Variants in CNTN6 observed in about 807,000 individuals in gnomAD.
CNTN6 encodes the protein contactin 6.
In CNTN6, 137 loss-of-function variants were observed where a neutral mutation model predicts 122.8. The observed-to-expected ratio is 1.12, with a 90% CI of 0.97 to 1.29. The LOEUF (loss-of-function observed/expected upper bound fraction) is 1.29, where lower values mean the gene tolerates loss of function less well. Ranked by LOEUF, CNTN6 falls within the 50% of genes most tolerant of loss-of-function variation. The pLI, the probability that CNTN6 is intolerant of heterozygous loss-of-function variation, is 0.00. For synonymous variants in CNTN6, 570 were observed against 426.0 expected (o/e 1.34, Z -4.16); for missense variants, 1,634 against 1,223.4 (o/e 1.34, Z -5.01).
chr3:1,273,314 G>A lies in CNTN6; in HGVS notation c.359-5099G>A, dbSNP rs547859979. ...ATCTCAGAGAACGATCTCATTCTAA[G>A]CAATTTTCTTTTAAGCAAAAATGGA... is the stretch of plus-strand genomic sequence containing the variant. On this transcript the variant is annotated intron_variant, in intron 4 of 22. Coordinates refer to ENST00000446702, the MANE Select transcript of CNTN6 (RefSeq NM_001289080.2). Among the ~76,000 whole-genome samples the A allele has an allele frequency of 5.3e-5, 8 of 152,268 alleles. No homozygotes were observed. The South Asian group carries it at 1.0e-3, about 20-fold the overall frequency.
chr3:1,178,727 G>A (rs143538081), intron 2 of CNTN6, among the ~76,000 whole-genome samples: 228 of 152,258 alleles, frequency 1.5e-3, no homozygotes, highest in South Asian at 2.1e-3. Context: ...CTGATAGGTC[G>A]TTAGTGTGGA....
chr3:1,164,484 G>T (rs1449034162), intron 2 of CNTN6, among the ~76,000 whole-genome samples: 1 of 151,500 alleles, frequency 6.6e-6, no homozygotes, highest in Admixed American at 6.6e-5. Flanking sequence ...TTTCCTGATT[G>T]AACCTTAACT....
intron 20 of CNTN6, among the ~76,000 whole-genome samples, chr3:1,393,749 A>G (rs988566911): frequency 2.0e-5 from 3 of 152,074 alleles, no homozygotes; most frequent in Admixed American, 2.0e-4. Context: ...TAATCCCATC[A>G]ACCAGTTTAA....
intron 7 of CNTN6, among the ~76,000 whole-genome samples, chr3:1,320,916 A>C (rs265798): frequency 0.011 from 1,723 of 151,866 alleles, 36 homozygotes; most frequent in African/African-American, 0.04. Context: ...GAGAAAGTAG[A>C]CGAAATTAAT....
chr3:1,345,889 C>G (rs1027122430), intron 11 of CNTN6, among the ~76,000 whole-genome samples: 3 of 151,892 alleles, frequency 2.0e-5, no homozygotes, highest in African/African-American at 7.3e-5. Context: ...TTAGACAGAA[C>G]TGGAAGCAAT....
At chr3:1,328,816 A>AGG (rs1701883841) in intron 10 of CNTN6, among the ~76,000 whole-genome samples, 1 of 151,748 alleles carries the variant, frequency 6.6e-6, no homozygotes, top group Non-Finnish European at 1.5e-5. Flanking sequence ...GAGACTGGAC[A>AGG]CATGGATTCC....
intron 11 of CNTN6, 149 bp downstream of exon 11, chr3:1,330,084 T>A: frequency 3.9e-6 from 2 of 511,996 alleles, no homozygotes; most frequent in Non-Finnish European, 6.4e-6. Flanking sequence ...CTCATCATAG[T>A]AAAATTGTAA....
At chr3:1,390,725 T>C (rs1337008305) in intron 20 of CNTN6, among the ~76,000 whole-genome samples, 1 of 151,716 alleles carries the variant, frequency 6.6e-6, no homozygotes, top group Non-Finnish European at 1.5e-5. Flanking sequence ...AAAGGGGATA[T>C]CACCACCAAT....
intron 4 of CNTN6, among the ~76,000 whole-genome samples, chr3:1,270,056 T>C (rs2094997382): frequency 6.6e-6 from 1 of 152,170 alleles, no homozygotes; most frequent in Non-Finnish European, 1.5e-5. Flanking sequence ...CGTTTGACAA[T>C]AACATTGTGC....
chr3:1,237,556 G>A (rs1412495613), intron 4 of CNTN6, among the ~76,000 whole-genome samples: 1 of 151,972 alleles, frequency 6.6e-6, no homozygotes, highest in African/African-American at 2.4e-5. Context: ...AGAACATATG[G>A]GAAATTCATC....
chr3:1,379,214 A>G (rs923523610), intron 17 of CNTN6, among the ~76,000 whole-genome samples: 35 of 152,274 alleles, frequency 2.3e-4, no homozygotes, highest in Non-Finnish European at 4.0e-4. Flanking sequence ...ACGATTTATA[A>G]TGTTCTTTTT....
intron 1 of CNTN6, among the ~76,000 whole-genome samples, chr3:1,109,802 G>T (rs539425520): frequency 1.3e-5 from 2 of 152,122 alleles, no homozygotes; most frequent in South Asian, 2.1e-4. Context: ...TTTTGTGTGT[G>T]TATACAACCT....
At chr3:1,160,996 G>C (rs1307126153) in intron 2 of CNTN6, among the ~76,000 whole-genome samples, 1 of 151,792 alleles carries the variant, frequency 6.6e-6, no homozygotes, top group African/African-American at 2.4e-5. Context: ...TTATGGTCTT[G>C]AGGTTGTTCA....
intron 1 of CNTN6, among the ~76,000 whole-genome samples, chr3:1,143,364 A>T (rs1362371545): frequency 6.6e-6 from 1 of 152,182 alleles, no homozygotes; most frequent in Admixed American, 6.6e-5. Context: ...ATTATCATTT[A>T]AAAGACCTCA....
chr3:1,388,272 T>A (rs1408280050), intron 20 of CNTN6, among the ~76,000 whole-genome samples: 1 of 148,604 alleles, frequency 6.7e-6, no homozygotes, highest in Non-Finnish European at 1.5e-5. Flanking sequence ...CCGAGCAGCC[T>A]AACTGGGAGG....
At chr3:1,358,763 C>A (rs1183701718) in intron 12 of CNTN6, among the ~76,000 whole-genome samples, 2 of 151,958 alleles carry the variant, frequency 1.3e-5, no homozygotes, top group Non-Finnish European at 1.5e-5. Flanking sequence ...ATAAAAATTT[C>A]TACTTTCATC....
intron 2 of CNTN6, among the ~76,000 whole-genome samples, chr3:1,180,868 T>C (rs1274314271): frequency 2.0e-5 from 3 of 152,222 alleles, no homozygotes; most frequent in African/African-American, 7.2e-5. Context: ...TGTTATATGA[T>C]AAAGTGCTTT....
At chr3:1,126,644 T>G (rs1022827839) in intron 1 of CNTN6, among the ~76,000 whole-genome samples, 1 of 151,904 alleles carries the variant, frequency 6.6e-6, no homozygotes, top group Non-Finnish European at 1.5e-5. Flanking sequence ...ATCACTGACA[T>G]GAAGAGCTCT....
At chr3:1,340,651 A>G (rs1298762745) in intron 11 of CNTN6, among the ~76,000 whole-genome samples, 1 of 152,182 alleles carries the variant, frequency 6.6e-6, no homozygotes, top group East Asian at 1.9e-4. Flanking sequence ...AGTCACACCC[A>G]GGTTGGTCCC....
Sources: gnomAD v4.1 joint callset for allele counts (sites outside exome capture counted in the v4.1 genomes callset) on GRCh38, gnomAD v4.1.1 for gene constraint, MANE v1.5 for transcripts, NCBI Gene and HGNC (gene_info 2026-07-23, HGNC 2026-07-21) for gene names.